SEMA6D: variants seen among roughly 807,000 people sequenced by gnomAD.
SEMA6D encodes semaphorin 6D.
SEMA6D carries 35 observed loss-of-function variants against 106.6 expected under a neutral mutation model. The observed-to-expected ratio is 0.33, with a 90% confidence interval of 0.25 to 0.44. SEMA6D has a LOEUF of 0.44. Ranked by LOEUF, SEMA6D falls within the 20% of genes least tolerant of loss-of-function variation. SEMA6D has a pLI of 1.00. For synonymous variants in SEMA6D, 499 were observed against 487.7 expected, an observed-to-expected ratio of 1.02 and a Z score of -0.31; for missense variants, 1,185 against 1,345.9, an observed-to-expected ratio of 0.88 and a Z score of 1.87.
At chr15:47,490,041 GA>G (rs2043422998) in intron 3 of SEMA6D, among the ~76,000 whole-genome samples, 1 of 152,166 alleles carries the variant, frequency 6.6e-6, no homozygotes, top group African/African-American at 2.4e-5. Flanking sequence ...TAGTAGCTTA[GA>G]TATTGCATCT....
chr15:47,454,542 C>T (rs1017912862), intron 2 of SEMA6D, among the ~76,000 whole-genome samples: 3 of 151,642 alleles, frequency 2.0e-5, no homozygotes, highest in Non-Finnish European at 2.9e-5. Context: ...TAACCTAATT[C>T]ACTGTGAGAC....
At chr15:47,258,265 A>G (rs1031418618) in intron 1 of SEMA6D, among the ~76,000 whole-genome samples, 3 of 152,162 alleles carry the variant, frequency 2.0e-5, no homozygotes, top group African/African-American at 4.8e-5. Flanking sequence ...ATAATTATTA[A>G]TATGTTAGAA....
At chr15:47,770,473 C>T (rs1484959899) in intron 18 of SEMA6D, 24 bp from the exon 19 acceptor site, 2 of 1,536,922 alleles carry the variant, frequency 1.3e-6, no homozygotes, top group East Asian at 2.3e-5. Flanking sequence ...ACCTTATTCA[C>T]ATTGTCCCAT....
intron 3 of SEMA6D, among the ~76,000 whole-genome samples, chr15:47,582,217 G>C (rs1596361465): frequency 6.6e-6 from 1 of 152,198 alleles, no homozygotes; most frequent in Non-Finnish European, 1.5e-5. Context: ...CTTTTGAGGA[G>C]TGCAATGATG....
rs1160364314 is a variant in SEMA6D at position 47,761,760 on chromosome 15, CT to C, written c.538+12del. The C allele has an allele frequency of 3.1e-6, 5 of 1,596,380 alleles. No individual in the cohort carries two copies. Among genetic ancestry groups the C allele is most frequent in the Non-Finnish European group, 4.3e-6 (5 of 1,168,664 alleles). ...TGTTGCCCTCTTTGCTGGTAAGATC[CT>C]TTAGCGTAATGAATATAAATGATTA... On this transcript the variant is annotated intron_variant, in intron 7 of 18. Coordinates refer to ENST00000536845, the MANE Select transcript of SEMA6D (RefSeq NM_001358351.3).
chr15:47,604,258 T>C (rs1385883586), intron 4 of SEMA6D: 4 of 152,206 alleles, frequency 2.6e-5, no homozygotes, highest in Non-Finnish European at 5.9e-5. Flanking sequence ...TTCTTTCACA[T>C]CCAAGTTTGT....
intron 1 of SEMA6D, among the ~76,000 whole-genome samples, chr15:47,400,668 G>T (rs1384461486): frequency 6.6e-6 from 1 of 152,130 alleles, no homozygotes; most frequent in Admixed American, 6.5e-5. Flanking sequence ...GTCAGGTCTT[G>T]GTTGTCCAAG....
chr15:47,353,212 T>C (rs1054473834), intron 1 of SEMA6D, among the ~76,000 whole-genome samples: 2 of 152,132 alleles, frequency 1.3e-5, no homozygotes, highest in African/African-American at 4.8e-5. Context: ...TACACTGACA[T>C]TTCCTAAAGA....
At chr15:47,656,034 C>T (rs980915155) in intron 4 of SEMA6D, among the ~76,000 whole-genome samples, 2 of 152,302 alleles carry the variant, frequency 1.3e-5, no homozygotes, top group African/African-American at 4.8e-5. Context: ...TCACATTTTG[C>T]TGTTTTAAAT....
At chr15:47,537,391 G>C (rs1216305291) in intron 3 of SEMA6D, among the ~76,000 whole-genome samples, 1 of 152,216 alleles carries the variant, frequency 6.6e-6, no homozygotes, top group Non-Finnish European at 1.5e-5. Context: ...AGAAGGTACA[G>C]GTTAGCCCAG....
chr15:47,395,743 A>G (rs2040193010), intron 1 of SEMA6D: 1 of 152,254 alleles, frequency 6.6e-6, no homozygotes, highest in Non-Finnish European at 1.5e-5. Flanking sequence ...CACACAGAAG[A>G]AAGCAAGGAG....
intron 1 of SEMA6D, among the ~76,000 whole-genome samples, chr15:47,749,921 C>T (rs2081340712): frequency 6.6e-6 from 1 of 151,992 alleles, no homozygotes; most frequent in Non-Finnish European, 1.5e-5. Flanking sequence ...CTAGGGGAGT[C>T]ACAGGTGCAG....
chr15:47,292,587 C>T (rs967084765), intron 1 of SEMA6D, among the ~76,000 whole-genome samples: 3 of 152,044 alleles, frequency 2.0e-5, no homozygotes, highest in African/African-American at 7.2e-5. Context: ...GAGATCTGAA[C>T]TGGGAGCTAG....
At chr15:47,528,126 T>TC (rs1246432196) in intron 3 of SEMA6D, among the ~76,000 whole-genome samples, 38 of 152,224 alleles carry the variant, frequency 2.5e-4, no homozygotes, top group African/African-American at 7.9e-4. Flanking sequence ...TAATCCTGAG[T>TC]CTCTGTTTTA....
At chr15:47,231,384 T>C (rs534818465) in intron 1 of SEMA6D, among the ~76,000 whole-genome samples, 1 of 152,054 alleles carries the variant, frequency 6.6e-6, no homozygotes, top group East Asian at 1.9e-4. Context: ...TCTCCATCCA[T>C]TCCTCTTTCT....
chr15:47,517,182 GA>G (rs1469974204), intron 3 of SEMA6D, among the ~76,000 whole-genome samples: 5 of 152,142 alleles, frequency 3.3e-5, no homozygotes, highest in Non-Finnish European at 5.9e-5. Context: ...ACTTCCCTGA[GA>G]GGCAGTTGTA....
chr15:47,259,805 G>T (rs1009880386), intron 1 of SEMA6D, among the ~76,000 whole-genome samples: 1 of 152,064 alleles, frequency 6.6e-6, no homozygotes, highest in African/African-American at 2.4e-5. Flanking sequence ...AGACATTGAT[G>T]ATATGAGTGT....
chr15:47,432,270 G>C (rs995721355), intron 2 of SEMA6D, among the ~76,000 whole-genome samples: 1 of 152,046 alleles, frequency 6.6e-6, no homozygotes, highest in African/African-American at 2.4e-5. Flanking sequence ...ATAGAGATAA[G>C]AAGAGAGAGT....
chr15:47,391,061 A>G (rs1347250224), intron 1 of SEMA6D, among the ~76,000 whole-genome samples: 1 of 152,138 alleles, frequency 6.6e-6, no homozygotes, highest in African/African-American at 2.4e-5. Context: ...TCATTTTACT[A>G]GGGTCTAATA....
Sources: gnomAD v4.1 joint callset for allele counts (sites outside exome capture counted in the v4.1 genomes callset) on GRCh38, gnomAD v4.1.1 for gene constraint, MANE v1.5 for transcripts, NCBI Gene and HGNC (gene_info 2026-07-23, HGNC 2026-07-21) for gene names.